Variants in PTPN11 observed in about 807,000 individuals in gnomAD.
PTPN11 encodes the protein tyrosine-protein phosphatase non-receptor type 11.
PTPN11 carries 6 observed loss-of-function variants against 78.8 expected under a neutral mutation model. That is an observed-to-expected ratio of 0.08 (90% CI 0.04 to 0.15). The LOEUF is 0.15. PTPN11 is among the 10% of genes least tolerant of loss of function. The probability of loss-of-function intolerance (pLI) is 1.00; values close to 1 mark genes in which losing one functional copy is unlikely to be tolerated. For synonymous variants in PTPN11, 221 were observed against 263.5 expected (o/e 0.84, Z 1.56); for missense variants, 386 against 744.8 (o/e 0.52, Z 5.61).
intron 6 of PTPN11, among the ~76,000 whole-genome samples, chr12:112,459,727 G>C (rs1305808278): frequency 1.3e-5 from 2 of 151,716 alleles, no homozygotes; most frequent in Non-Finnish European, 2.9e-5. Context: ...CTTGGCCTCC[G>C]AAAGTGCTGG....
At chr12:112,419,634 C>T (rs1273857809) in intron 1 of PTPN11, among the ~76,000 whole-genome samples, 1 of 152,192 alleles carries the variant, frequency 6.6e-6, no homozygotes, top group Admixed American at 6.5e-5. Flanking sequence ...CTTTTATATG[C>T]CTCTTTGTGT....
intron 13 of PTPN11, among the ~76,000 whole-genome samples, chr12:112,490,451 C>T (rs2038732236): frequency 6.6e-6 from 1 of 151,912 alleles, no homozygotes; most frequent in African/African-American, 2.4e-5. Context: ...GGACTATAGG[C>T]ATGCGCCACC....
At chr12:112,500,441 A>G (rs570356633) in intron 13 of PTPN11, among the ~76,000 whole-genome samples, 1 of 152,334 alleles carries the variant, frequency 6.6e-6, no homozygotes, top group South Asian at 2.1e-4. Context: ...TCAAAAAATT[A>G]AAATAGTATA....
chr12:112,493,383 ATTTT>A (rs60572157), intron 13 of PTPN11, among the ~76,000 whole-genome samples: 2 of 130,612 alleles, frequency 1.5e-5, no homozygotes, highest in African/African-American at 2.9e-5. Context: ...TTAAGTGTAC[ATTTT>A]TTTTTTTTTT....
At chr12:112,478,047 T>A in intron 9 of PTPN11, 32 bp downstream of exon 9, 3 of 1,612,156 alleles carry the variant, frequency 1.9e-6, no homozygotes, top group Non-Finnish European at 2.5e-6. Flanking sequence ...TCTGCTAAAC[T>A]GTTTTTAAAG....
chr12:112,436,420 C>T (rs900231677), intron 1 of PTPN11, among the ~76,000 whole-genome samples: 2 of 152,086 alleles, frequency 1.3e-5, no homozygotes, highest in African/African-American at 4.8e-5. Flanking sequence ...ATGTAAAAAC[C>T]GAAGCAGAGA....
chr12:112,442,830 TTATATA>T (rs71086107), intron 1 of PTPN11, among the ~76,000 whole-genome samples: 2,450 of 43,212 alleles, frequency 0.057, 54 homozygotes, highest in Non-Finnish European at 0.075. Context: ...CTCTCTCTTT[TTATATA>T]TATATATATA....
intron 13 of PTPN11, among the ~76,000 whole-genome samples, chr12:112,495,160 T>C (rs2038799185): frequency 6.6e-6 from 1 of 152,236 alleles, no homozygotes; most frequent in Non-Finnish European, 1.5e-5. Context: ...CTAACCATGA[T>C]ACATTTATCA....
In PTPN11 at chr12:112,504,818, A is replaced by G. The variant is rs1022959493; in HGVS notation, c.*32+22A>G. 8.0e-6 allele frequency: 11 copies of G among 1,372,182 alleles called. No individual in the cohort carries two copies. In the Admixed American group the frequency reaches 1.4e-4, roughly 17 times the overall value. The allele number at this position is 1,372,182 out of a possible 1,614,324, so 85.0% of individuals were successfully genotyped here. On this transcript the variant is annotated intron_variant, in intron 15 of 15. Coordinates refer to ENST00000351677, the MANE Select transcript of PTPN11 (RefSeq NM_002834.5). The surrounding 1 kb of genome is among the most constrained non-coding windows in gnomAD (Gnocchi z 4.7). ...ATAGGTATTTAAATGCAAGTGCTCTATTGGTTAATTGTTTATATAATTGGC... is the reference window on the plus strand; with the variant it reads ...ATAGGTATTTAAATGCAAGTGCTCTGTTGGTTAATTGTTTATATAATTGGC...
intron 1 of PTPN11, among the ~76,000 whole-genome samples, chr12:112,419,854 G>A (rs565526398): frequency 1.2e-3 from 180 of 152,340 alleles, no homozygotes; most frequent in Non-Finnish European, 2.0e-3. Flanking sequence ...AGGCCCAGAA[G>A]CAACATGCTA....
chr12:112,453,151 C>T (rs751408788), intron 3 of PTPN11, 44 bp from the exon 4 acceptor site: 39 of 1,525,506 alleles, frequency 2.6e-5, no homozygotes, highest in Non-Finnish European at 3.5e-5. Flanking sequence ...ACAACATGAA[C>T]CCATAGTAGA....
intron 6 of PTPN11, among the ~76,000 whole-genome samples, chr12:112,463,469 C>T (rs2038279599): frequency 6.6e-6 from 1 of 152,162 alleles, no homozygotes; most frequent in Non-Finnish European, 1.5e-5. Context: ...CAAAGTCAGA[C>T]TTTCACAAAG....
At chr12:112,446,173 A>T in intron 1 of PTPN11, 103 bp from the exon 2 acceptor site, 2 of 1,478,106 alleles carry the variant, frequency 1.4e-6, no homozygotes, top group Non-Finnish European at 1.9e-6. Flanking sequence ...GTATTTTCTA[A>T]AATTTTCTAC....
intron 1 of PTPN11, among the ~76,000 whole-genome samples, chr12:112,421,293 T>A (rs1269600094): frequency 6.6e-6 from 1 of 152,218 alleles, no homozygotes; most frequent in Non-Finnish European, 1.5e-5. Flanking sequence ...ATGTACAATT[T>A]GATCAGTTTT....
chr12:112,424,694 A>G (rs973335938), intron 1 of PTPN11, among the ~76,000 whole-genome samples: 4 of 152,106 alleles, frequency 2.6e-5, no homozygotes, highest in Non-Finnish European at 4.4e-5. Context: ...TGCTTGGAAA[A>G]AAAGGATAAA....
chr12:112,444,347 T>C (rs1158026137), intron 1 of PTPN11, among the ~76,000 whole-genome samples: 1 of 152,082 alleles, frequency 6.6e-6, no homozygotes, highest in Non-Finnish European at 1.5e-5. Flanking sequence ...CAAGTTTTTT[T>C]TTTTTCTTTT....
At chr12:112,480,218 C>T (rs1254811433) in intron 9 of PTPN11, among the ~76,000 whole-genome samples, 1 of 152,188 alleles carries the variant, frequency 6.6e-6, no homozygotes, top group Admixed American at 6.5e-5. Context: ...CTTGATTGGC[C>T]AGTGACAGCA....
At chr12:112,503,628 T>C (rs964191125) in intron 14 of PTPN11, among the ~76,000 whole-genome samples, 4 of 152,202 alleles carry the variant, frequency 2.6e-5, no homozygotes, top group African/African-American at 9.7e-5. Flanking sequence ...TAATTTGCAA[T>C]GGAACTGGAA....
At chr12:112,488,283 C>T (rs966106536) in intron 11 of PTPN11, among the ~76,000 whole-genome samples, 160 bp from the exon 12 acceptor site, 4 of 152,030 alleles carry the variant, frequency 2.6e-5, no homozygotes, top group Non-Finnish European at 5.9e-5. Context: ...ACTCCAAAGC[C>T]CTATGCTTTT....
Sources: allele counts gnomAD v4.1 joint callset (sites outside exome capture counted in the v4.1 genomes callset), GRCh38; gene constraint gnomAD v4.1.1; non-coding constraint Gnocchi (gnomAD v3.1); transcripts MANE v1.5; gene names NCBI Gene and HGNC (gene_info 2026-07-23, HGNC 2026-07-21).